Variants in FNIP2 observed in about 807,000 individuals in gnomAD.
FNIP2 encodes the protein folliculin-interacting protein 2.
FNIP2 carries 32 observed loss-of-function variants against 108.7 expected under a neutral mutation model. The ratio of observed to expected loss-of-function variants is 0.29; its 90% CI spans 0.22 to 0.40. FNIP2 has a LOEUF of 0.40. Among genes scored for constraint, FNIP2 ranks in the 10% least tolerant of loss-of-function variants. The pLI is 1.00. For missense variants in FNIP2, 1,202 were observed against 1,381.6 expected, an observed-to-expected ratio of 0.87 and a Z score of 2.06; for synonymous variants, 480 against 496.7, an observed-to-expected ratio of 0.97 and a Z score of 0.45.
chr4:158,815,294 T>C (rs1437791260), intron 1 of FNIP2, among the ~76,000 whole-genome samples: 1 of 152,218 alleles, frequency 6.6e-6, no homozygotes, highest in Non-Finnish European at 1.5e-5. Context: ...GATGGATGTT[T>C]ATTACATGGT....
At chr4:158,833,778 C>G in intron 6 of FNIP2, 150 bp downstream of exon 6, 1 of 1,514,874 alleles carries the variant, frequency 6.6e-7, no homozygotes, top group South Asian at 1.2e-5. Flanking sequence ...TGTTTGCCCT[C>G]TTCTATGTGT....
chr4:158,815,077 C>T (rs1777485320), intron 1 of FNIP2, among the ~76,000 whole-genome samples: 1 of 152,220 alleles, frequency 6.6e-6, no homozygotes, highest in South Asian at 2.1e-4. Context: ...GCGTGCCTGA[C>T]TCCGTGTTAA....
At chr4:158,823,139 A>G (rs942830845) in intron 1 of FNIP2, among the ~76,000 whole-genome samples, 14 of 152,370 alleles carry the variant, frequency 9.2e-5, no homozygotes, top group African/African-American at 3.4e-4. Context: ...TGTAATTATT[A>G]GGGCAAAATT....
intron 3 of FNIP2, among the ~76,000 whole-genome samples, chr4:158,831,522 A>G (rs1778481624): frequency 6.6e-6 from 1 of 152,242 alleles, no homozygotes; most frequent in African/African-American, 2.4e-5. Context: ...GAGAAGAGTT[A>G]CAGTTATTTT....
At chr4:158,882,378 G>A (rs553931123) in intron 14 of FNIP2, among the ~76,000 whole-genome samples, 3 of 151,154 alleles carry the variant, frequency 2.0e-5, no homozygotes, top group South Asian at 4.2e-4. Flanking sequence ...CGGGAGGGAG[G>A]TGGGGGGCGC....
intron 14 of FNIP2, among the ~76,000 whole-genome samples, chr4:158,876,074 G>A (rs1326438049): frequency 6.6e-6 from 1 of 152,138 alleles, no homozygotes; most frequent in African/African-American, 2.4e-5. Context: ...TGTATGCCAG[G>A]TCATGATGTT....
chr4:158,878,750 T>G (rs1453349376), intron 14 of FNIP2, among the ~76,000 whole-genome samples: 1 of 152,224 alleles, frequency 6.6e-6, no homozygotes, highest in Admixed American at 6.5e-5. Flanking sequence ...ACTCCTCCAG[T>G]TGGCAATAAC....
intron 1 of FNIP2, among the ~76,000 whole-genome samples, chr4:158,777,863 T>TA (rs1775910205): frequency 6.6e-6 from 1 of 152,200 alleles, no homozygotes; most frequent in South Asian, 2.1e-4. Flanking sequence ...AAAGTTCATA[T>TA]AAAATATGTT....
Position 158,825,932 on chromosome 4 carries a change from T to C in FNIP2, c.124T>C (p.Phe42Leu), listed in dbSNP as rs1778131260. The change falls in exon 2 of 17, where the codon TTT becomes CTT. Residue 42 changes from phenylalanine (F) to leucine (L), a missense_variant. Transcript: ENST00000264433. ...GPAFSWSCSE[F>L]DLNEIRLIVY... Reference sequence around the variant, plus strand: ...AATCCACAGTTGGTCATGTTCGGAGTTTGACCTGAATGAGATTCGCCTGAT... The same window carrying C: ...AATCCACAGTTGGTCATGTTCGGAGCTTGACCTGAATGAGATTCGCCTGAT... 6.2e-7 allele frequency: 1 copy of C among 1,607,324 alleles called. No individual in the cohort carries two copies. Among genetic ancestry groups the C allele is most frequent in the African/African-American group, 1.3e-5 (1 of 74,804 alleles).
chr4:158,849,220 A>G (rs1253761218), intron 7 of FNIP2, among the ~76,000 whole-genome samples: 4 of 152,170 alleles, frequency 2.6e-5, no homozygotes, highest in Non-Finnish European at 5.9e-5. Flanking sequence ...TTTGGGGGAA[A>G]AGGGGATCTA....
intron 1 of FNIP2, among the ~76,000 whole-genome samples, chr4:158,780,809 G>C (rs1288691996): frequency 1.3e-5 from 2 of 152,160 alleles, no homozygotes; most frequent in Admixed American, 1.3e-4. Flanking sequence ...GAGGCAGGCA[G>C]ATCATTTGAG....
At chr4:158,893,571 C>T (rs961205125) in intron 15 of FNIP2, 12 of 717,728 alleles carry the variant, frequency 1.7e-5, no homozygotes, top group Non-Finnish European at 2.3e-5. Context: ...TAAGCTGAAG[C>T]GTACTCTTGC....
At position 158,798,472 on chromosome 4, in the gene FNIP2, C is replaced by T. The variant is rs1011695951; in HGVS notation, c.108-27444C>T. Among the ~76,000 whole-genome samples, 9 of 152,234 alleles carry T rather than the reference C, an allele frequency of 5.9e-5. 1 individual carries two copies. The highest frequency in any genetic ancestry group is 1.7e-4 in the African/African-American group (7 of 41,462). On this transcript the variant is annotated intron_variant, in intron 1 of 16. Coordinates refer to ENST00000264433, the MANE Select transcript of FNIP2 (RefSeq NM_020840.3). ...TTCCCTATTGCTTACCCTTCCCCTG[C>T]TTCATCTTCTGCTATAGCACTCACC...
At chr4:158,899,778 T>C (rs1783037963) in intron 16 of FNIP2, among the ~76,000 whole-genome samples, 2 of 152,212 alleles carry the variant, frequency 1.3e-5, no homozygotes, top group African/African-American at 4.8e-5. Flanking sequence ...TCTATTTTGT[T>C]GATCTTTTCA....
chr4:158,869,547 C>T (rs768517423), intron 13 of FNIP2, 119 bp downstream of exon 13: 11 of 1,304,496 alleles, frequency 8.4e-6, no homozygotes, highest in Non-Finnish European at 1.1e-5. Context: ...ATCTTTTTTT[C>T]CACAAAGTAC....
At chr4:158,874,060 G>T (rs1466843453) in intron 14 of FNIP2, among the ~76,000 whole-genome samples, 1 of 152,170 alleles carries the variant, frequency 6.6e-6, no homozygotes, top group East Asian at 1.9e-4. Context: ...CACTGACTTA[G>T]TGTTGATGGC....
At position 158,868,553 on chromosome 4, in the gene FNIP2, C is replaced by T. The variant is rs756392915; in HGVS notation, c.1917C>T (p.Asp639=). ...CAGGGTGCCTGGGGCCAGCATCAGA[C>T]GCTTCCTGGAAACCTCAGAATGCAT... The part of the protein sequence containing the change: ...CSAGCLGPAS[D]ASWKPQNAFC... The change falls in exon 13 of 17, where the codon GAC becomes GAT. Residue 639 remains aspartate, a synonymous_variant. Transcript: ENST00000264433. This position sits in a 1 kb window ranked among gnomAD's most constrained non-coding sequence, Gnocchi z 4.6. 29 of 1,613,420 alleles carry T rather than the reference C, an allele frequency of 1.8e-5. No individual in the cohort carries two copies. Among genetic ancestry groups the T allele is most frequent in the East Asian group, 1.8e-4 (8 of 44,876 alleles).
At chr4:158,855,025 A>G (rs1040886909) in intron 8 of FNIP2, among the ~76,000 whole-genome samples, 2 of 152,068 alleles carry the variant, frequency 1.3e-5, no homozygotes, top group African/African-American at 4.8e-5. Flanking sequence ...TACCTTGGGG[A>G]ACAGGAATCT....
intron 12 of FNIP2, among the ~76,000 whole-genome samples, chr4:158,865,890 T>G (rs1431613413): frequency 1.3e-5 from 2 of 152,140 alleles, no homozygotes; most frequent in Non-Finnish European, 2.9e-5. Context: ...CTAGTCATTT[T>G]ATAGAGAGGA....
Sources: gnomAD v4.1 joint callset for allele counts (sites outside exome capture counted in the v4.1 genomes callset) on GRCh38, gnomAD v4.1.1 for gene constraint, Gnocchi (gnomAD v3.1) non-coding constraint, MANE v1.5 for transcripts, NCBI Gene and HGNC (gene_info 2026-07-23, HGNC 2026-07-21) for gene names.